GPC6: variants seen among roughly 807,000 people sequenced by gnomAD.
The protein encoded by GPC6 is glypican-6.
In GPC6, 14 loss-of-function variants were observed where a neutral mutation model predicts 55.2. The ratio of observed to expected loss-of-function variants is 0.25; its 90% CI spans 0.17 to 0.40. The LOEUF (loss-of-function observed/expected upper bound fraction) is 0.40, where lower values mean the gene tolerates loss of function less well. Ranked by LOEUF, GPC6 falls within the 10% of genes least tolerant of loss-of-function variation. GPC6 has a pLI of 1.00. For missense variants in GPC6, 641 were observed against 708.5 expected, an observed-to-expected ratio of 0.90 and a Z score of 1.08; for synonymous variants, 278 against 259.6, an observed-to-expected ratio of 1.07 and a Z score of -0.68.
chr13:94,190,228 C>T (rs750776860), intron 4 of GPC6, among the ~76,000 whole-genome samples: 6 of 150,980 alleles, frequency 4.0e-5, no homozygotes, highest in Non-Finnish European at 8.8e-5. Flanking sequence ...GAGGCTGAGG[C>T]AGAATTGTTT....
intron 1 of GPC6, among the ~76,000 whole-genome samples, chr13:93,543,057 C>T (rs1054022978): frequency 1.3e-5 from 2 of 152,080 alleles, no homozygotes; most frequent in Admixed American, 6.6e-5. Context: ...ACTTCCGACA[C>T]TATGTTGAAT....
At chr13:94,242,676 A>T (rs1470556007) in intron 4 of GPC6, among the ~76,000 whole-genome samples, 4 of 152,136 alleles carry the variant, frequency 2.6e-5, no homozygotes, top group Non-Finnish European at 5.9e-5. Flanking sequence ...TCACAAAAGT[A>T]GCCATTAGTC....
chr13:93,985,032 G>A (rs1199085572), intron 3 of GPC6, among the ~76,000 whole-genome samples: 1 of 152,192 alleles, frequency 6.6e-6, no homozygotes, highest in African/African-American at 2.4e-5. Flanking sequence ...TCTGTAATCA[G>A]TGTAACCCAG....
At chr13:94,125,794 C>A (rs1246082914) in intron 4 of GPC6, among the ~76,000 whole-genome samples, 1 of 151,738 alleles carries the variant, frequency 6.6e-6, no homozygotes, top group African/African-American at 2.4e-5. Context: ...TGCTGTGTAC[C>A]CACCAATCCT....
intron 6 of GPC6, among the ~76,000 whole-genome samples, chr13:94,373,004 C>A (rs1879652940): frequency 1.3e-5 from 2 of 152,166 alleles, no homozygotes; most frequent in African/African-American, 4.8e-5. Context: ...GCTGAGGGTC[C>A]TATCTGTTAG....
In GPC6 at chr13:93,324,317, G is replaced by A. The variant is rs572017471; in HGVS notation, c.160+96701G>A. Reference sequence around the variant, plus strand: ...GCTGGGAATGGTAGTTTGCAGGGGGGATGGTAAGTGGGTACAAAAAAGATA... The same window carrying A: ...GCTGGGAATGGTAGTTTGCAGGGGGAATGGTAAGTGGGTACAAAAAAGATA... On this transcript the variant is annotated intron_variant, in intron 1 of 8. Transcript: ENST00000377047. Among the ~76,000 whole-genome samples, 42 of 152,052 alleles carry A rather than the reference G, an allele frequency of 2.8e-4. 1 individual carries two copies. The East Asian group carries it at 6.8e-3, about 25-fold the overall frequency.
intron 6 of GPC6, among the ~76,000 whole-genome samples, chr13:94,375,505 T>C (rs1183604503): frequency 6.6e-6 from 1 of 152,072 alleles, no homozygotes; most frequent in Non-Finnish European, 1.5e-5. Flanking sequence ...CAGGAAGAAA[T>C]TGAATCTCTG....
chr13:93,959,372 AG>A (rs1275346075), intron 3 of GPC6, among the ~76,000 whole-genome samples: 2 of 152,182 alleles, frequency 1.3e-5, no homozygotes, highest in East Asian at 3.9e-4. Context: ...CATGTTAACC[AG>A]GCTGGTCTCA....
intron 1 of GPC6, among the ~76,000 whole-genome samples, chr13:93,234,769 A>C (rs1876177662): frequency 6.6e-6 from 1 of 152,066 alleles, no homozygotes; most frequent in East Asian, 1.9e-4. Flanking sequence ...CAGAAATGTT[A>C]ATTGAATTAC....
intron 3 of GPC6, among the ~76,000 whole-genome samples, chr13:93,925,891 G>A (rs1236823161): frequency 6.6e-6 from 1 of 152,186 alleles, no homozygotes. Context: ...TGGGCGAGAT[G>A]GCTCCTTACT....
intron 2 of GPC6, among the ~76,000 whole-genome samples, chr13:93,758,724 C>A (rs1262830408): frequency 1.3e-5 from 2 of 151,860 alleles, no homozygotes; most frequent in Non-Finnish European, 2.9e-5. Context: ...GGATACCTGC[C>A]CTTTCTCTTC....
chr13:93,368,166 A>C (rs1881315432), intron 1 of GPC6, among the ~76,000 whole-genome samples: 1 of 152,038 alleles, frequency 6.6e-6, no homozygotes, highest in African/African-American at 2.4e-5. Flanking sequence ...TTTTATCATT[A>C]TGCAATGTTC....
intron 3 of GPC6, among the ~76,000 whole-genome samples, chr13:94,004,736 A>C (rs1456113254): frequency 1.3e-5 from 2 of 152,138 alleles, no homozygotes; most frequent in Non-Finnish European, 2.9e-5. Context: ...GATTTGTTAC[A>C]ATGCATGATG....
At chr13:93,398,365 A>G (rs1875942522) in intron 1 of GPC6, among the ~76,000 whole-genome samples, 1 of 152,156 alleles carries the variant, frequency 6.6e-6, no homozygotes, top group Non-Finnish European at 1.5e-5. Context: ...CAGAATGAGT[A>G]ATGGTGATTT....
chr13:93,485,077 G>GC (rs906496253), intron 1 of GPC6, among the ~76,000 whole-genome samples: 8 of 152,142 alleles, frequency 5.3e-5, no homozygotes, highest in African/African-American at 1.4e-4. Flanking sequence ...GGGGCAGTTA[G>GC]CCCCCCCTGG....
At chr13:93,998,988 A>G (rs1247928853) in intron 3 of GPC6, among the ~76,000 whole-genome samples, 1 of 152,034 alleles carries the variant, frequency 6.6e-6, no homozygotes, top group Non-Finnish European at 1.5e-5. Flanking sequence ...TCAACTCCCA[A>G]CACTGCTGGT....
chr13:93,642,577 T>C (rs1015804027), intron 2 of GPC6, among the ~76,000 whole-genome samples: 1 of 152,044 alleles, frequency 6.6e-6, no homozygotes, highest in Non-Finnish European at 1.5e-5. Context: ...CTTTAAACTG[T>C]TTTTCAAGTA....
chr13:93,380,221 C>T (rs1482618284), intron 1 of GPC6, among the ~76,000 whole-genome samples: 1 of 151,876 alleles, frequency 6.6e-6, no homozygotes, highest in Non-Finnish European at 1.5e-5. Context: ...AATTAGAAGC[C>T]TAAGAAATAG....
At chr13:93,640,576 ACTCT>A (rs1281961921) in intron 2 of GPC6, among the ~76,000 whole-genome samples, 3 of 152,096 alleles carry the variant, frequency 2.0e-5, no homozygotes, top group East Asian at 1.9e-4. Flanking sequence ...GCTTGTAGGA[ACTCT>A]CTATCAAGAA....
Sources: allele counts gnomAD v4.1 joint callset (sites outside exome capture counted in the v4.1 genomes callset), GRCh38; gene constraint gnomAD v4.1.1; transcripts MANE v1.5; gene names NCBI Gene and HGNC (gene_info 2026-07-23, HGNC 2026-07-21).